The following ULK4 variants were observed in gnomAD, a reference collection of about 807,000 sequenced individuals.
ULK4 encodes inactive serine/threonine-protein kinase ULK4.
In ULK4, 133 loss-of-function variants were observed where a neutral mutation model predicts 160.6. The observed-to-expected ratio is 0.83, with a 90% CI of 0.72 to 0.96. The LOEUF is 0.96. Among genes scored for constraint, ULK4 ranks in the 40% least tolerant of loss-of-function variants. ULK4 has a pLI of 0.00. For missense variants in ULK4, 1,580 were observed against 1,499.5 expected, an observed-to-expected ratio of 1.05 and a Z score of -0.89; for synonymous variants, 534 against 539.8, an observed-to-expected ratio of 0.99 and a Z score of 0.15.
At chr3:41,773,748 G>A (rs2125923605) in intron 21 of ULK4, among the ~76,000 whole-genome samples, 1 of 152,138 alleles carries the variant, frequency 6.6e-6, no homozygotes, top group East Asian at 1.9e-4. Flanking sequence ...AACCAAAAAA[G>A]AGCCGGCATT....
intron 35 of ULK4, among the ~76,000 whole-genome samples, chr3:41,379,931 T>C (rs894131001): frequency 6.6e-6 from 1 of 152,120 alleles, no homozygotes; most frequent in African/African-American, 2.4e-5. Flanking sequence ...TCCCAGGAAG[T>C]CTGATTGATT....
At chr3:41,911,903 C>T (rs1026924583) in intron 9 of ULK4, among the ~76,000 whole-genome samples, 8 of 152,142 alleles carry the variant, frequency 5.3e-5, no homozygotes, top group Middle Eastern at 3.4e-3. Context: ...CTGTAATCCC[C>T]GCACTTTGGG....
chr3:41,848,432 A>T (rs1351498766), intron 17 of ULK4, among the ~76,000 whole-genome samples: 1 of 152,078 alleles, frequency 6.6e-6, no homozygotes, highest in East Asian at 1.9e-4. Flanking sequence ...ACACCACTCA[A>T]CTTCCTTTTG....
chr3:41,288,963 C>T (rs2079510626), intron 35 of ULK4, among the ~76,000 whole-genome samples: 2 of 152,164 alleles, frequency 1.3e-5, no homozygotes, highest in South Asian at 2.1e-4. Flanking sequence ...CACGGCAGGC[C>T]CCACCTCTGC....
intron 8 of ULK4, chr3:41,914,885 GC>G (rs1429874188): frequency 6.6e-6 from 1 of 152,184 alleles, no homozygotes; most frequent in East Asian, 1.9e-4. Context: ...GAGGATGGTG[GC>G]ACGCGCCTGA....
At chr3:41,649,204 C>T (rs1448459974) in intron 30 of ULK4, among the ~76,000 whole-genome samples, 2 of 152,014 alleles carry the variant, frequency 1.3e-5, no homozygotes, top group South Asian at 2.1e-4. Context: ...CAAATACAGG[C>T]GCAGACAGAA....
intron 35 of ULK4, among the ~76,000 whole-genome samples, chr3:41,325,934 ATAAG>A (rs1216079163): frequency 6.6e-6 from 1 of 151,910 alleles, no homozygotes; most frequent in African/African-American, 2.4e-5. Flanking sequence ...AAATAAATAA[ATAAG>A]TAATAGATAT....
chr3:41,479,681 G>A (rs2125895036), intron 32 of ULK4, among the ~76,000 whole-genome samples: 1 of 152,234 alleles, frequency 6.6e-6, no homozygotes, highest in Non-Finnish European at 1.5e-5. Context: ...AAACAGCAGA[G>A]ACAGGTAGGG....
chr3:41,756,861 A>G (rs2038820455), intron 21 of ULK4, among the ~76,000 whole-genome samples: 1 of 152,236 alleles, frequency 6.6e-6, no homozygotes, highest in South Asian at 2.1e-4. Context: ...TAAACACAAA[A>G]TGATTCAAAG....
At chr3:41,254,898 G>A (rs1331248083) in intron 35 of ULK4, among the ~76,000 whole-genome samples, 6 of 148,602 alleles carry the variant, frequency 4.0e-5, no homozygotes, top group Admixed American at 6.7e-5. Flanking sequence ...AAAAAGAAAA[G>A]AAAAAAAAGA....
At chr3:41,315,454 G>C (rs1382398608) in intron 35 of ULK4, among the ~76,000 whole-genome samples, 1 of 152,152 alleles carries the variant, frequency 6.6e-6, no homozygotes, top group Non-Finnish European at 1.5e-5. Flanking sequence ...CCCATTCCCA[G>C]AGAAACAAGC....
chr3:41,494,751 T>C (rs908923930), intron 32 of ULK4, among the ~76,000 whole-genome samples: 3 of 152,078 alleles, frequency 2.0e-5, no homozygotes, highest in South Asian at 2.1e-4. Context: ...ACAAAATCAA[T>C]GTGCAAAAAT....
intron 17 of ULK4, among the ~76,000 whole-genome samples, chr3:41,860,122 T>G (rs1386178480): frequency 6.6e-6 from 1 of 152,222 alleles, no homozygotes; most frequent in Non-Finnish European, 1.5e-5. Context: ...ATTTTTTGAA[T>G]TTTTTAAGAC....
At chr3:41,803,858 G>A (rs1374537753) in intron 19 of ULK4, among the ~76,000 whole-genome samples, 3 of 152,158 alleles carry the variant, frequency 2.0e-5, no homozygotes, top group Non-Finnish European at 4.4e-5. Context: ...CTGTATATGT[G>A]CCACATTTTC....
chr3:41,729,906 A>C (rs551351057), intron 22 of ULK4, among the ~76,000 whole-genome samples: 5 of 152,334 alleles, frequency 3.3e-5, no homozygotes, highest in African/African-American at 1.2e-4. Context: ...CAAACCCAAC[A>C]CAACCAATGT....
intron 35 of ULK4, among the ~76,000 whole-genome samples, chr3:41,356,619 T>C (rs1011399310): frequency 2.0e-5 from 3 of 152,346 alleles, no homozygotes; most frequent in African/African-American, 4.8e-5. Context: ...TTTTCACTCA[T>C]TGCTGTAATG....
At chr3:41,254,897 A>T (rs1206924204) in intron 35 of ULK4, among the ~76,000 whole-genome samples, 1 of 151,834 alleles carries the variant, frequency 6.6e-6, no homozygotes, top group Non-Finnish European at 1.5e-5. Flanking sequence ...AAAAAAGAAA[A>T]GAAAAAAAAG....
intron 32 of ULK4, among the ~76,000 whole-genome samples, chr3:41,479,863 A>G (rs938003254): frequency 1.3e-5 from 2 of 152,292 alleles, no homozygotes; most frequent in South Asian, 2.1e-4. Context: ...ATTTTTCCTT[A>G]TCATACTCTG....
intron 31 of ULK4, among the ~76,000 whole-genome samples, chr3:41,594,836 C>T (rs182987724): frequency 7.2e-4 from 109 of 152,056 alleles, no homozygotes; most frequent in Middle Eastern, 3.4e-3. Context: ...ACCAGAGCAG[C>T]GCAGCTGAAA....
Sources: allele counts gnomAD v4.1 joint callset (sites outside exome capture counted in the v4.1 genomes callset), GRCh38; gene constraint gnomAD v4.1.1; transcripts MANE v1.5; gene names NCBI Gene and HGNC (gene_info 2026-07-23, HGNC 2026-07-21).